Variants in CA14 observed in about 807,000 individuals in gnomAD.
The protein encoded by CA14 is carbonic anhydrase 14, also known as CA-XIV.
CA14 carries 44 observed loss-of-function variants against 48.8 expected under a neutral mutation model. That is an observed-to-expected ratio of 0.90 (90% confidence interval 0.71 to 1.16). CA14 has a LOEUF of 1.16. Ranked by LOEUF, CA14 falls within the 50% of genes most tolerant of loss-of-function variation. The pLI is 0.00. For synonymous variants in CA14, 154 were observed against 155.0 expected (o/e 0.99, Z 0.05); for missense variants, 386 against 401.0 (o/e 0.96, Z 0.32).
chr1:150,260,648 G>T (rs1055706455), intron 2 of CA14: 2 of 258,358 alleles, frequency 7.7e-6, no homozygotes, highest in Admixed American at 9.9e-5. Context: ...TCAAGTTCAT[G>T]ATAAACGGTC....
intron 3 of CA14, 112 bp downstream of exon 3, chr1:150,261,750 T>C: frequency 1.1e-6 from 1 of 950,250 alleles, no homozygotes; most frequent in African/African-American, 1.6e-5. Flanking sequence ...GCGTAAGATG[T>C]GCCGCCCTCA....
At position 150,263,094 on chromosome 1, in the gene CA14, G is replaced by A. The variant is rs1651218500; in HGVS notation, c.615G>A (p.Gln205=). 1 of 1,613,982 alleles carries A rather than the reference G, an allele frequency of 6.2e-7. No individual in the cohort carries two copies. The highest frequency in any genetic ancestry group is 1.3e-5 in the African/African-American group (1 of 74,906). The part of the protein sequence containing the change: ...PFNLRELLPK[Q]LGQYFRYNGS... ...ACCTAAGAGAGCTGCTCCCCAAACA[G>A]CTGGGGCAGTACTTCCGCTACAATG... The change falls in exon 7 of 11, where the codon CAG becomes CAA. Residue 205 remains glutamine (Q), a synonymous_variant. Coordinates refer to ENST00000369111, the MANE Select transcript of CA14 (RefSeq NM_012113.3).
At chr1:150,262,923 C>A in intron 6 of CA14, 53 bp downstream of exon 6, 1 of 1,580,610 alleles carries the variant, frequency 6.3e-7, no homozygotes, top group Non-Finnish European at 8.7e-7. Flanking sequence ...CAAAAACTAT[C>A]CTTAAAAGCC....
At position 150,263,661 on chromosome 1, in the gene CA14, G is replaced by A; in HGVS notation, c.844G>A (p.Gly282Arg). The change falls in exon 9 of 11, where the codon GGA becomes AGA. Residue 282 changes from glycine (G) to arginine (R), a missense_variant and splice_region_variant. By Grantham distance (125) the Gly-to-Arg change is moderately radical. Coordinates refer to ENST00000369111, the MANE Select transcript of CA14 (RefSeq NM_012113.3). ...RMVFASFIQA[G>R]SSYTTGEMLS... ...TGACCCATTTTCTTCTCTTACAGCA[G>A]GATCCTCGTATACCACAGGTAAGCC... 2 of 1,613,982 alleles carry A rather than the reference G, an allele frequency of 1.2e-6. No homozygotes were observed. The highest frequency in any genetic ancestry group is 1.7e-6 in the Non-Finnish European group (2 of 1,179,930).
At chr1:150,264,382 T>C (rs1264370769) in intron 10 of CA14, among the ~76,000 whole-genome samples, 2 of 151,694 alleles carry the variant, frequency 1.3e-5, no homozygotes, top group Non-Finnish European at 2.9e-5. Context: ...TTTGTATTTT[T>C]AGCAGAGACG....
intron 1 of CA14, among the ~76,000 whole-genome samples, chr1:150,259,559 G>A (rs1344024739): frequency 6.6e-6 from 1 of 152,132 alleles, no homozygotes; most frequent in Non-Finnish European, 1.5e-5. Context: ...AGGGAGCAGA[G>A]CCTCCTGGTG....
chr1:150,263,897 T>A lies in CA14; in HGVS notation c.947+19T>A. The A allele has an allele frequency of 1.3e-6, 2 of 1,537,932 alleles. No individual in the cohort carries two copies. Among genetic ancestry groups the A allele is most frequent in the East Asian group, 4.5e-5 (2 of 44,338 alleles). On this transcript the variant is annotated intron_variant, in intron 10 of 10. Transcript: ENST00000369111. ...AGATTCGGTGAGGCCCTACTTTCCA[T>A]TCCTCCAGTCCCTTCTTCTTTTTTT...
At chr1:150,261,352 C>A in intron 2 of CA14, 107 bp from the exon 3 acceptor site, 1 of 978,982 alleles carries the variant, frequency 1.0e-6, no homozygotes, top group Non-Finnish European at 1.6e-6. Flanking sequence ...TTTCTACCTC[C>A]ACACAGATGT....
chr1:150,264,766 C>T lies in CA14; in HGVS notation c.*107C>T. 2 of 738,524 alleles carry T rather than the reference C, an allele frequency of 2.7e-6. No homozygotes were observed. The highest frequency in any genetic ancestry group is 4.4e-6 in the Non-Finnish European group (2 of 451,320). The allele number at this position is 738,524 out of a possible 1,614,324, so 45.7% of individuals were successfully genotyped here. ...CCAGAAACACTGTAGGAGTAGTAAG[C>T]AGATGTCCTCCTTCCCCTGGACATC... On this transcript the variant is annotated 3_prime_UTR_variant, in exon 11 of 11. Transcript: ENST00000369111.
Position 150,264,768 on chromosome 1 carries a change from G to C in CA14, c.*109G>C, listed in dbSNP as rs782814579. On this transcript the variant is annotated 3_prime_UTR_variant, in exon 11 of 11. Coordinates refer to ENST00000369111, the MANE Select transcript of CA14 (RefSeq NM_012113.3). ...AGAAACACTGTAGGAGTAGTAAGCAGATGTCCTCCTTCCCCTGGACATCTC... is the reference window on the plus strand; with the variant it reads ...AGAAACACTGTAGGAGTAGTAAGCACATGTCCTCCTTCCCCTGGACATCTC... 1.4e-6 allele frequency: 1 copy of C among 727,242 alleles called. No individual in the cohort carries two copies. Among genetic ancestry groups the C allele is most frequent in the South Asian group, 1.8e-5 (1 of 54,608 alleles). 45.0% of individuals were successfully genotyped at this position (727,242 alleles called of 1,614,324 possible).
At chr1:150,262,068 G>A in intron 3 of CA14, 90 bp from the exon 4 acceptor site, 2 of 1,488,228 alleles carry the variant, frequency 1.3e-6, no homozygotes, top group Admixed American at 1.7e-5. Context: ...AACTGGAAGA[G>A]GGCCAAGTCT....
chr1:150,263,688 G>A lies in CA14; in HGVS notation c.862+9G>A. ...ATCCTCGTATACCACAGGTAAGCCAGCCTTATAAGATAATGCGGGGAGGGG... is the reference window on the plus strand; with the variant it reads ...ATCCTCGTATACCACAGGTAAGCCAACCTTATAAGATAATGCGGGGAGGGG... On this transcript the variant is annotated intron_variant, in intron 9 of 10. Transcript: ENST00000369111. 6.2e-7 allele frequency: 1 copy of A among 1,614,106 alleles called. No homozygotes were observed. Among genetic ancestry groups the A allele is most frequent in the East Asian group, 2.2e-5 (1 of 44,880 alleles).
Position 150,263,672 on chromosome 1 carries a change from T to TA in CA14, c.856dup (p.Thr286AsnfsTer4). On this transcript the variant is annotated frameshift_variant, in exon 9 of 11. Coordinates refer to ENST00000369111, the MANE Select transcript of CA14 (RefSeq NM_012113.3). LOFTEE classifies it high-confidence loss of function. ...CTTCTCTTACAGCAGGATCCTCGTA[T>TA]ACCACAGGTAAGCCAGCCTTATAAG... 1 of 1,614,030 alleles carries TA rather than the reference T, an allele frequency of 6.2e-7. No individual in the cohort carries two copies. The highest frequency in any genetic ancestry group is 2.2e-5 in the East Asian group (1 of 44,872).
Position 150,264,596 on chromosome 1 carries a change from G to C in CA14, c.951G>C (p.Lys317Asn). The C allele has an allele frequency of 6.2e-7, 1 of 1,600,394 alleles. No homozygotes were observed. The highest frequency in any genetic ancestry group is 8.6e-7 in the Non-Finnish European group (1 of 1,167,694). The part of the protein sequence containing the change: ...AVYFIARKIR[K>N]KRLENRKSVV... ...CATGAGCCATTCCCCTTTCCAGGAA[G>C]AAGAGGCTGGAAAACCGAAAGAGTG... Residue 317 changes from lysine to asparagine, a missense_variant, in exon 11 of 11, where the codon AAG becomes AAC. Coordinates refer to ENST00000369111, the MANE Select transcript of CA14 (RefSeq NM_012113.3).
chr1:150,263,620 G>A (rs782328100), intron 8 of CA14, 39 bp from the exon 9 acceptor site: 2 of 1,613,140 alleles, frequency 1.2e-6, no homozygotes, highest in Admixed American at 1.7e-5. Context: ...GCTGGGATGG[G>A]GATCTGAAGT....
At position 150,262,197 on chromosome 1, in the gene CA14, T is replaced by G; in HGVS notation, c.296T>G (p.Leu99Arg). The change falls in exon 4 of 11, where the codon CTT (leucine) becomes CGT (arginine). Residue 99 changes from leucine (L) to arginine (R), a missense_variant. Transcript: ENST00000369111. Reference sequence around the variant, plus strand: ...CCCTCTACCCTGTATCTGGGTGGACTTCCCCGAAAATATGTAGCTGCCCAG... The same window carrying G: ...CCCTCTACCCTGTATCTGGGTGGACGTCCCCGAAAATATGTAGCTGCCCAG... ...SLPSTLYLGG[L>R]PRKYVAAQLH... is the part of the protein sequence containing the mutation. The G allele has an allele frequency of 6.2e-7, 1 of 1,614,146 alleles. No individual in the cohort carries two copies. Among genetic ancestry groups the G allele is most frequent in the Non-Finnish European group, 8.5e-7 (1 of 1,180,008 alleles).
rs1651520631 is a variant in CA14, at chr1:150,264,839, A to T, written c.*180A>T. 1 of 492,846 alleles carries T rather than the reference A, an allele frequency of 2.0e-6. No homozygotes were observed. The highest frequency in any genetic ancestry group is 3.7e-5 in the Admixed American group (1 of 27,086). 30.5% of individuals were successfully genotyped at this position (492,846 alleles called of 1,614,324 possible). A position where few individuals can be genotyped will look rare whatever the true frequency, so the allele number is the denominator to read the frequency against. ...GCTGTCATTCCAGGAAGAACTGCAG[A>T]GCCTTCAGCCTCTCCAAACATGTAG... is the stretch of plus-strand genomic sequence containing the variant. On this transcript the variant is annotated 3_prime_UTR_variant, in exon 11 of 11. Transcript: ENST00000369111.
chr1:150,261,058 C>T, intron 2 of CA14: 1 of 176,050 alleles, frequency 5.7e-6, no homozygotes, highest in South Asian at 1.3e-4. Context: ...CTGTGCCTGG[C>T]CTATCTAGGA....
In CA14 at chr1:150,258,163, G is replaced by A; in HGVS notation, c.35G>A (p.Trp12Ter). 2 of 1,611,490 alleles carry A rather than the reference G, an allele frequency of 1.2e-6. No individual in the cohort carries two copies. The highest frequency in any genetic ancestry group is 1.7e-6 in the Non-Finnish European group (2 of 1,178,372). ...LFSALLLEVI[W>*]ILAADGGQHW... Reference sequence around the variant, plus strand: ...TCCGCCCTCCTGCTGGAGGTGATTTGGATCCTGGCTGCAGATGGGGGTAGG... The same window carrying A: ...TCCGCCCTCCTGCTGGAGGTGATTTAGATCCTGGCTGCAGATGGGGGTAGG... The change falls in exon 1 of 11, where the codon TGG becomes TAG. Residue 12 changes from tryptophan (W) to a stop codon, truncating the protein, a stop_gained. Coordinates refer to ENST00000369111, the MANE Select transcript of CA14 (RefSeq NM_012113.3). LOFTEE classifies it high-confidence loss of function.
Sources: gnomAD v4.1 joint callset for allele counts (sites outside exome capture counted in the v4.1 genomes callset) on GRCh38, gnomAD v4.1.1 for gene constraint, MANE v1.5 for transcripts, NCBI Gene and HGNC (gene_info 2026-07-23, HGNC 2026-07-21) for gene names.